SPTLC3: variants seen among roughly 807,000 people sequenced by gnomAD.
SPTLC3 encodes serine palmitoyltransferase 3.
SPTLC3 carries 36 observed loss-of-function variants against 59.3 expected under a neutral mutation model. That is an observed-to-expected ratio of 0.61 (90% CI 0.47 to 0.80). The LOEUF (loss-of-function observed/expected upper bound fraction) is 0.80. Ranked by LOEUF, SPTLC3 falls within the 30% of genes least tolerant of loss-of-function variation. The pLI is 0.00. For synonymous variants in SPTLC3, 257 were observed against 240.8 expected, an observed-to-expected ratio of 1.07 and a Z score of -0.62; for missense variants, 625 against 685.1, an observed-to-expected ratio of 0.91 and a Z score of 0.98.
intron 4 of SPTLC3, among the ~76,000 whole-genome samples, chr20:13,077,738 C>T (rs1215894591): frequency 6.7e-6 from 1 of 150,302 alleles, no homozygotes; most frequent in Non-Finnish European, 1.5e-5. Context: ...AAAACAGAAA[C>T]TTAGGAATTT....
chr20:13,164,820 G>T lies in SPTLC3; in HGVS notation c.1612G>T (p.Ala538Ser). The T allele has an allele frequency of 1.2e-6, 2 of 1,613,816 alleles. No homozygotes were observed. The highest frequency in any genetic ancestry group is 8.5e-7 in the Non-Finnish European group (1 of 1,179,868). ...GAAATATTCCCGGCACAAGAAGTCA[G>T]CACGTCCTGAGCTCTATGATGAGAC... is the stretch of plus-strand genomic sequence containing the variant. ...QLKYSRHKKS[A>S]RPELYDETSF... Residue 538 changes from alanine to serine, a missense_variant, in exon 12 of 12, where the codon GCA becomes TCA. Transcript: ENST00000399002.
In SPTLC3 at chr20:13,134,701, G is replaced by A. The variant is rs1047968074; in HGVS notation, c.1279+7984G>A. On this transcript the variant is annotated intron_variant, in intron 9 of 11. Coordinates refer to ENST00000399002, the MANE Select transcript of SPTLC3 (RefSeq NM_018327.4). Reference sequence around the variant, plus strand: ...AGAAAAGAAACAGATCTGTGCAGTGGGAGAAGTAAAGTGAACAGAGGATGG... The same window carrying A: ...AGAAAAGAAACAGATCTGTGCAGTGAGAGAAGTAAAGTGAACAGAGGATGG... Among the ~76,000 whole-genome samples the A allele has an allele frequency of 5.9e-5, 9 of 152,188 alleles. 1 individual carries two copies. The highest frequency in any genetic ancestry group is 1.3e-4 in the Admixed American group (2 of 15,286).
chr20:13,068,111 G>C (rs1430108381), intron 2 of SPTLC3, among the ~76,000 whole-genome samples: 4 of 152,178 alleles, frequency 2.6e-5, no homozygotes, highest in Non-Finnish European at 5.9e-5. Context: ...ATAAAAGTTT[G>C]ATAGAAATAT....
chr20:13,072,317 T>A lies in SPTLC3; in HGVS notation c.365T>A (p.Ile122Asn). The A allele has an allele frequency of 6.2e-7, 1 of 1,613,960 alleles. No individual in the cohort carries two copies. The highest frequency in any genetic ancestry group is 8.5e-7 in the Non-Finnish European group (1 of 1,179,900). Reference sequence around the variant, plus strand: ...TATACAAGAAACCTTTACATGCGAATCAGAGACAACTGGAACCGGCCCATC... The same window carrying A: ...TATACAAGAAACCTTTACATGCGAAACAGAGACAACTGGAACCGGCCCATC... The part of the protein sequence containing the change: ...NFYTRNLYMR[I>N]RDNWNRPICS... The change falls in exon 3 of 12, where the codon ATC (isoleucine) becomes AAC (asparagine). Residue 122 changes from isoleucine (I) to asparagine (N), a missense_variant. Ile to Asn is a moderately radical substitution (Grantham distance 149). Transcript: ENST00000399002.
chr20:13,141,517 C>T lies in SPTLC3; in HGVS notation c.1280-12486C>T, dbSNP rs539618702. Among the ~76,000 whole-genome samples, 3 of 152,316 alleles carry T rather than the reference C, an allele frequency of 2.0e-5. No homozygotes were observed. In the South Asian group the frequency reaches 6.2e-4, roughly 32 times the overall value. On this transcript the variant is annotated intron_variant, in intron 9 of 11. Coordinates refer to ENST00000399002, the MANE Select transcript of SPTLC3 (RefSeq NM_018327.4). ...TTCTCTCCATCCAACTCAGCCAGGA[C>T]ATGGTGTTTGCTCCATTTTTCTAAG...
chr20:13,129,070 C>T (rs1319711113), intron 9 of SPTLC3, among the ~76,000 whole-genome samples: 1 of 151,806 alleles, frequency 6.6e-6, no homozygotes, highest in Admixed American at 6.6e-5. Context: ...GAGATGGGGT[C>T]TCGCCAGATT....
chr20:13,089,222 C>T (rs1302011024), intron 4 of SPTLC3, among the ~76,000 whole-genome samples: 2 of 152,162 alleles, frequency 1.3e-5, no homozygotes, highest in Non-Finnish European at 2.9e-5. Flanking sequence ...CCTAAACATG[C>T]TAACAATACT....
intron 6 of SPTLC3, among the ~76,000 whole-genome samples, chr20:13,098,578 C>T (rs983252981): frequency 1.3e-5 from 2 of 152,188 alleles, no homozygotes; most frequent in African/African-American, 4.8e-5. Context: ...GCTCTCAAAA[C>T]ATTCAGTAAC....
intron 1 of SPTLC3, among the ~76,000 whole-genome samples, chr20:13,042,365 C>T (rs576645619): frequency 7.2e-5 from 11 of 152,190 alleles, no homozygotes; most frequent in Non-Finnish European, 1.6e-4. Context: ...TGCTTCAGAG[C>T]TAGGGAAAGG....
chr20:13,118,049 C>G (rs1049847144), intron 8 of SPTLC3, among the ~76,000 whole-genome samples: 10 of 151,972 alleles, frequency 6.6e-5, no homozygotes, highest in African/African-American at 2.4e-4. Context: ...GAATGAATAT[C>G]CATCTGGTAG....
At chr20:13,011,091 T>C (rs1482222362) in intron 1 of SPTLC3, among the ~76,000 whole-genome samples, 1 of 152,112 alleles carries the variant, frequency 6.6e-6, no homozygotes, top group Admixed American at 6.5e-5. Context: ...TTGGCTTTCA[T>C]TGAGAGCCTC....
intron 2 of SPTLC3, among the ~76,000 whole-genome samples, chr20:13,060,814 T>TTGTGTGTG (rs58161980): frequency 5.3e-5 from 8 of 150,638 alleles, no homozygotes; most frequent in Non-Finnish European, 7.4e-5. Context: ...TGGTATTCCA[T>TTGTGTGTG]TGTGTGTGTG....
In SPTLC3 at chr20:13,110,184, A is replaced by G; in HGVS notation, c.899A>G (p.Lys300Arg). The G allele has an allele frequency of 1.4e-5, 22 of 1,613,732 alleles. No homozygotes were observed. Among genetic ancestry groups the G allele is most frequent in the Non-Finnish European group, 1.9e-5 (22 of 1,179,762 alleles). Residue 300 changes from lysine (K) to arginine (R), a missense_variant, in exon 7 of 12, where the codon AAA (lysine) becomes AGA (arginine). By Grantham distance (26) the Lys-to-Arg change is conservative. Transcript: ENST00000399002. ...CAGCCTCGAACCCGCAGAGCTTGGA[A>G]AAAGATTCTCATCCTGGTGGAGGGT... ...YGQPRTRRAWKKILILVEGVY... is the reference protein window; with the variant it reads ...YGQPRTRRAWRKILILVEGVY...
intron 9 of SPTLC3, among the ~76,000 whole-genome samples, chr20:13,134,669 A>T (rs2038201784): frequency 6.6e-6 from 1 of 152,316 alleles, no homozygotes; most frequent in South Asian, 2.1e-4. Flanking sequence ...CCATGTTTCT[A>T]CGTAACAGAA....
At chr20:13,047,213 C>T (rs902947526) in intron 1 of SPTLC3, among the ~76,000 whole-genome samples, 1 of 152,118 alleles carries the variant, frequency 6.6e-6, no homozygotes. Context: ...TGGGATAAAA[C>T]TTCCAGTGAC....
Position 13,148,977 on chromosome 20 carries a change from T to C in SPTLC3, c.1280-5026T>C, listed in dbSNP as rs983135039. On this transcript the variant is annotated intron_variant, in intron 9 of 11. Transcript: ENST00000399002. ...CCAATTTTCCTGTAAGATAAGCTTA[T>C]CTCTAATTTACAGCTAAAACTGAGA... 5.9e-5 allele frequency among the ~76,000 whole-genome samples: 9 copies of C among 152,366 alleles called. No individual in the cohort carries two copies. In the East Asian group the frequency reaches 1.5e-3, roughly 26 times the overall value.
At chr20:13,156,359 A>C (rs2038768324) in intron 10 of SPTLC3, among the ~76,000 whole-genome samples, 2 of 152,216 alleles carry the variant, frequency 1.3e-5, no homozygotes, top group African/African-American at 2.4e-5. Context: ...AGTAGTGAAA[A>C]CAAATGCATG....
At chr20:13,020,795 A>C (rs565763205) in intron 1 of SPTLC3, among the ~76,000 whole-genome samples, 5 of 152,076 alleles carry the variant, frequency 3.3e-5, no homozygotes, top group Non-Finnish European at 7.4e-5. Context: ...TCTGCCACTT[A>C]CTAATTGGGC....
At position 13,117,652 on chromosome 20, in the gene SPTLC3, A is replaced by G; in HGVS notation, c.1079A>G (p.His360Arg). 1.2e-6 allele frequency: 2 copies of G among 1,614,076 alleles called. No individual in the cohort carries two copies. Among genetic ancestry groups the G allele is most frequent in the East Asian group, 4.5e-5 (2 of 44,874 alleles). The stretch of plus-strand genomic sequence containing the variant: ...ACGGAGTTCTTTGGACTAGACCCTC[A>G]TGAAGTTGATGTGCTCATGGGCACA... ...GVTEFFGLDP[H>R]EVDVLMGTFT... The change falls in exon 8 of 12, where the codon CAT becomes CGT. Residue 360 changes from histidine to arginine, a missense_variant. His to Arg is a conservative substitution (Grantham distance 29). Coordinates refer to ENST00000399002, the MANE Select transcript of SPTLC3 (RefSeq NM_018327.4).
Sources: gnomAD v4.1 joint callset for allele counts (sites outside exome capture counted in the v4.1 genomes callset) on GRCh38, gnomAD v4.1.1 for gene constraint, MANE v1.5 for transcripts, NCBI Gene and HGNC (gene_info 2026-07-23, HGNC 2026-07-21) for gene names.